RGS5: variants seen among roughly 807,000 people sequenced by gnomAD.
The protein encoded by RGS5 is regulator of G protein signaling 5.
A neutral mutation model predicts 18.9 loss-of-function variants in RGS5; 20 were observed. That is an observed-to-expected ratio of 1.06 (90% confidence interval 0.74 to 1.54). The LOEUF is 1.54. RGS5 is among the 40% of genes most tolerant of loss of function. The pLI is 0.00. For missense variants in RGS5, 201 were observed against 211.8 expected (o/e 0.95, Z 0.32); for synonymous variants, 57 against 76.2 (o/e 0.75, Z 1.31).
chr1:163,204,128 C>T (rs1157022727), upstream of RGS5, among the ~76,000 whole-genome samples: 1 of 152,062 alleles, frequency 6.6e-6, no homozygotes, highest in Non-Finnish European at 1.5e-5. Context: ...GCATTATGAC[C>T]TGATGTTTTT....
intron 1 of RGS5, among the ~76,000 whole-genome samples, chr1:163,191,491 C>A (rs1659354437): frequency 6.6e-6 from 1 of 152,126 alleles, no homozygotes; most frequent in Non-Finnish European, 1.5e-5. Flanking sequence ...AAACAAGTAA[C>A]TGAAACATTG....
chr1:163,299,018 C>T (rs1446556600), intron 2 of RGS5, among the ~76,000 whole-genome samples: 2 of 152,146 alleles, frequency 1.3e-5, no homozygotes, highest in African/African-American at 2.4e-5. Flanking sequence ...GTGTTTCTCA[C>T]AGCCCTGCCT....
At chr1:163,199,533 C>T (rs1379344631) in intron 1 of RGS5, among the ~76,000 whole-genome samples, 1 of 151,966 alleles carries the variant, frequency 6.6e-6, no homozygotes, top group East Asian at 1.9e-4. Flanking sequence ...ATATATATTC[C>T]ACCCTTTAAT....
At chr1:163,154,843 T>C (rs1167243268) in intron 3 of RGS5, among the ~76,000 whole-genome samples, 1 of 149,268 alleles carries the variant, frequency 6.7e-6, no homozygotes, top group Non-Finnish European at 1.5e-5. Flanking sequence ...ATTATATCTA[T>C]ATATAATATA....
chr1:163,164,908 A>G (rs1348253834), intron 2 of RGS5, among the ~76,000 whole-genome samples: 1 of 152,202 alleles, frequency 6.6e-6, no homozygotes, highest in Non-Finnish European at 1.5e-5. Flanking sequence ...GTTCTTACAC[A>G]TTGGTGCTCT....
intron 1 of RGS5, among the ~76,000 whole-genome samples, chr1:163,190,945 A>G (rs2815268): frequency 0.36 from 54,415 of 151,924 alleles, 10,224 homozygotes; most frequent in African/African-American, 0.44. Flanking sequence ...CATGCTGATG[A>G]CCATCAGAAG....
chr1:163,185,117 C>A (rs1343619344), intron 1 of RGS5, among the ~76,000 whole-genome samples: 1 of 152,072 alleles, frequency 6.6e-6, no homozygotes, highest in African/African-American at 2.4e-5. Flanking sequence ...TCTTCCTCTC[C>A]TGAACCAGCT....
chr1:163,239,054 G>A (rs1034363910), intron 2 of RGS5: 2 of 209,174 alleles, frequency 9.6e-6, no homozygotes, highest in East Asian at 2.5e-4. Context: ...GGAGAGCACT[G>A]TCTCTGAAAG....
In RGS5 at chr1:163,270,197, A is replaced by C. The variant is rs186217948; in HGVS notation, c.-281+36036T>G. The stretch of plus-strand genomic sequence containing the variant: ...TCAGAGATGTTTGAATTCTTGACAC[A>C]GTTCTTTTTCTTTGCCTGAAGAGTT... On this transcript the variant is annotated intron_variant, in intron 2 of 5. Transcript: ENST00000618415. 1.2e-3 allele frequency among the ~76,000 whole-genome samples: 188 copies of C among 152,098 alleles called. 1 individual carries two copies. Among genetic ancestry groups the C allele is most frequent in the Non-Finnish European group, 2.3e-3 (155 of 67,970 alleles).
rs773375896 is a variant in RGS5 at position 163,289,379 on chromosome 1, C to T, written c.-281+16854G>A. 3.0e-4 allele frequency among the ~76,000 whole-genome samples: 46 copies of T among 152,006 alleles called. 1 individual carries two copies. Among genetic ancestry groups the T allele is most frequent in the Non-Finnish European group, 7.4e-5 (5 of 68,002 alleles). ...ATTTTCAGAAATAGCAAATCAGATA[C>T]TTTGTATACTCTATCATTGTACTAT... On this transcript the variant is annotated intron_variant, in intron 2 of 5. Coordinates refer to the RGS5 transcript ENST00000618415.
chr1:163,245,273 A>T (rs560168784), intron 2 of RGS5, among the ~76,000 whole-genome samples: 1 of 152,296 alleles, frequency 6.6e-6, no homozygotes, highest in South Asian at 2.1e-4. Flanking sequence ...TACACCATGA[A>T]CTCTATTCAG....
At chr1:163,185,949 C>T (rs1034867963) in intron 1 of RGS5, among the ~76,000 whole-genome samples, 1 of 152,130 alleles carries the variant, frequency 6.6e-6, no homozygotes, top group Admixed American at 6.5e-5. Flanking sequence ...TATAATTCAA[C>T]CTGGTCTCAT....
rs143433985 is a variant in RGS5, at chr1:163,160,448, C to A, written c.217+1467G>T. ...TCCAAGAAGCAAAATGAATTTAGTT[C>A]ATTCACTCATTCACTACATAACTAT... On this transcript the variant is annotated intron_variant, in intron 3 of 4. Transcript: ENST00000313961. 2.2e-3 allele frequency among the ~76,000 whole-genome samples: 341 copies of A among 152,250 alleles called. 3 individuals carry two copies. The highest frequency in any genetic ancestry group is 3.4e-3 in the Middle Eastern group (1 of 294).
intron 2 of RGS5, among the ~76,000 whole-genome samples, chr1:163,278,316 T>C (rs559616534): frequency 6.6e-6 from 1 of 152,246 alleles, no homozygotes; most frequent in Non-Finnish European, 1.5e-5. Flanking sequence ...ATTTCTCACC[T>C]TACAGGCTGT....
At chr1:163,181,921 G>A (rs980714367) in intron 1 of RGS5, among the ~76,000 whole-genome samples, 3 of 151,938 alleles carry the variant, frequency 2.0e-5, no homozygotes, top group African/African-American at 2.4e-5. Flanking sequence ...TTTAAATTCC[G>A]ACCCTTCATT....
intron 2 of RGS5, among the ~76,000 whole-genome samples, chr1:163,240,100 C>G (rs1647748409): frequency 6.6e-6 from 1 of 151,560 alleles, no homozygotes; most frequent in Non-Finnish European, 1.5e-5. Flanking sequence ...TATGCCTCAG[C>G]AATTCCACTC....
At chr1:163,180,943 C>G (rs1358558632) in intron 1 of RGS5, among the ~76,000 whole-genome samples, 2 of 152,108 alleles carry the variant, frequency 1.3e-5, no homozygotes, top group Non-Finnish European at 2.9e-5. Context: ...ATCCTCCCGC[C>G]TCCGCCTCCC....
chr1:163,260,236 T>C (rs1456369445), intron 2 of RGS5: 1 of 152,256 alleles, frequency 6.6e-6, no homozygotes, highest in Non-Finnish European at 1.5e-5. Flanking sequence ...TTTTTGCTTC[T>C]CTTGCTTTAC....
At chr1:163,196,052 G>A (rs1659553050) in intron 1 of RGS5, among the ~76,000 whole-genome samples, 1 of 152,108 alleles carries the variant, frequency 6.6e-6, no homozygotes. Context: ...CTTCCTTACT[G>A]TGAACATTTT....
Sources: gnomAD v4.1 joint callset for allele counts (sites outside exome capture counted in the v4.1 genomes callset) on GRCh38, gnomAD v4.1.1 for gene constraint, MANE v1.5 for transcripts, NCBI Gene and HGNC (gene_info 2026-07-23, HGNC 2026-07-21) for gene names.